YTHDC2: variants seen among roughly 807,000 people sequenced by gnomAD.
YTHDC2 encodes YTH N6-methyladenosine RNA binding protein C2.
Under a neutral mutation model 174.9 loss-of-function variants are expected in YTHDC2, and 45 were observed. That is an observed-to-expected ratio of 0.26 (90% CI 0.20 to 0.33). YTHDC2 has a LOEUF of 0.33. Among genes scored for constraint, YTHDC2 ranks in the 10% least tolerant of loss-of-function variants. YTHDC2 has a pLI of 1.00. For missense variants in YTHDC2, 1,650 were observed against 1,723.7 expected (o/e 0.96, Z 0.76); for synonymous variants, 657 against 574.5 (o/e 1.14, Z -2.05).
At chr5:113,566,325 C>A (rs1185864663) in intron 21 of YTHDC2, among the ~76,000 whole-genome samples, 1 of 151,642 alleles carries the variant, frequency 6.6e-6, no homozygotes, top group Non-Finnish European at 1.5e-5. Flanking sequence ...TAGTTATTTT[C>A]TTTTATCACC....
intron 5 of YTHDC2, 97 bp downstream of exon 5, chr5:113,533,142 G>C: frequency 7.1e-7 from 1 of 1,403,010 alleles, no homozygotes; most frequent in Admixed American, 2.3e-5. Flanking sequence ...GAAAAGTTAG[G>C]TGATCATTTT....
intron 10 of YTHDC2, among the ~76,000 whole-genome samples, chr5:113,546,533 T>C (rs1775899806): frequency 6.6e-6 from 1 of 152,256 alleles, no homozygotes; most frequent in Admixed American, 6.5e-5. Context: ...TTCATAGATT[T>C]CTTTTTAGTA....
chr5:113,515,241 A>G, intron 1 of YTHDC2, 31 bp from the exon 2 acceptor site: 1 of 1,579,070 alleles, frequency 6.3e-7, no homozygotes, highest in Non-Finnish European at 8.6e-7. Flanking sequence ...CCTATCTACA[A>G]ATTTTACTAC....
intron 10 of YTHDC2, among the ~76,000 whole-genome samples, chr5:113,544,705 T>C (rs1018879072): frequency 2.0e-5 from 3 of 152,166 alleles, no homozygotes; most frequent in African/African-American, 7.2e-5. Flanking sequence ...TGTTTTTTTT[T>C]TGGGCTGACT....
At chr5:113,555,981 T>C in intron 16 of YTHDC2, 71 bp from the exon 17 acceptor site, 4 of 890,956 alleles carry the variant, frequency 4.5e-6, no homozygotes, top group Non-Finnish European at 6.9e-6. Flanking sequence ...TAAAATATGT[T>C]GATAACATTC....
chr5:113,547,387 C>A (rs895181646), intron 10 of YTHDC2, among the ~76,000 whole-genome samples: 1 of 152,096 alleles, frequency 6.6e-6, no homozygotes, highest in African/African-American at 2.4e-5. Flanking sequence ...ACAACAAACC[C>A]ACCTCAAAAA....
Position 113,592,019 on chromosome 5 carries a change from G to T in YTHDC2, c.4053G>T (p.Glu1351Asp), listed in dbSNP as rs1262208049. 6.2e-7 allele frequency: 1 copy of T among 1,609,500 alleles called. No homozygotes were observed. The highest frequency in any genetic ancestry group is 8.5e-7 in the Non-Finnish European group (1 of 1,177,578). The change falls in exon 28 of 30, where the codon GAG becomes GAT. Residue 1351 changes from glutamate (E) to aspartate (D), a missense_variant. Glu to Asp is a conservative substitution (Grantham distance 45). Around this residue, in one of 5 missense-constraint regions of YTHDC2, gnomAD observed 913 missense variants for 940.4 expected, o/e 0.97. Transcript: ENST00000161863. ...HFQGFSRMSS[E>D]IGREKSQDWG... ...AGGGATTTTCTAGGATGTCTTCTGA[G>T]ATTGGAAGGGAAAAGAGTCAGGACT...
chr5:113,591,891 T>C (rs190163135), intron 27 of YTHDC2, 105 bp from the exon 28 acceptor site: 5 of 882,610 alleles, frequency 5.7e-6, no homozygotes, highest in Non-Finnish European at 7.8e-6. Flanking sequence ...TTCAATATTA[T>C]ATCTTAATCT....
intron 4 of YTHDC2, among the ~76,000 whole-genome samples, chr5:113,528,549 G>C (rs564079713): frequency 6.6e-6 from 1 of 151,462 alleles, no homozygotes; most frequent in South Asian, 2.1e-4. Flanking sequence ...TTGCGACAGC[G>C]CTTCACTCTG....
chr5:113,570,260 C>T (rs1183915435), intron 23 of YTHDC2, among the ~76,000 whole-genome samples: 1 of 151,880 alleles, frequency 6.6e-6, no homozygotes, highest in Non-Finnish European at 1.5e-5. Flanking sequence ...CAATTCCTGG[C>T]TAATTTTTGT....
intron 26 of YTHDC2, among the ~76,000 whole-genome samples, chr5:113,589,402 A>ATATAT (rs1441251527): frequency 8.8e-6 from 1 of 114,244 alleles, no homozygotes; most frequent in African/African-American, 4.0e-5. Flanking sequence ...AATTAAAAAA[A>ATATAT]AAAAAAATAT....
At chr5:113,589,408 A>AAATATATATATATATATATATATATAT (rs368975720) in intron 26 of YTHDC2, among the ~76,000 whole-genome samples, 1 of 123,232 alleles carries the variant, frequency 8.1e-6, no homozygotes, top group African/African-American at 3.4e-5. Context: ...AAAAAAAAAA[A>AAATATATATATATATATATATATATAT]ATATATATAT....
At chr5:113,578,538 C>G (rs1427056132) in intron 23 of YTHDC2, among the ~76,000 whole-genome samples, 1 of 152,006 alleles carries the variant, frequency 6.6e-6, no homozygotes, top group Non-Finnish European at 1.5e-5. Context: ...ATAAACCTTC[C>G]TTGGACTAAG....
intron 23 of YTHDC2, among the ~76,000 whole-genome samples, chr5:113,569,449 T>C (rs1300798776): frequency 1.3e-5 from 2 of 152,320 alleles, no homozygotes; most frequent in South Asian, 2.1e-4. Flanking sequence ...ATTGCCTAGA[T>C]TTTCTTCGAG....
At chr5:113,539,239 T>C in intron 8 of YTHDC2, 58 bp downstream of exon 8, 1 of 680,444 alleles carries the variant, frequency 1.5e-6, no homozygotes, top group Non-Finnish European at 2.3e-6. Flanking sequence ...GACTTTGGAG[T>C]ACTCCATCCT....
intron 10 of YTHDC2, among the ~76,000 whole-genome samples, chr5:113,548,296 T>C (rs1249470292): frequency 3.3e-5 from 5 of 152,200 alleles, no homozygotes; most frequent in African/African-American, 9.6e-5. Flanking sequence ...CAGTTTAACA[T>C]CGATCTTTCC....
intron 12 of YTHDC2, among the ~76,000 whole-genome samples, chr5:113,552,697 A>G (rs145369727): frequency 0.02 from 3,008 of 152,184 alleles, 38 homozygotes; most frequent in Non-Finnish European, 0.029. Context: ...TTGCTGGGGC[A>G]TATGGTAACT....
intron 5 of YTHDC2, 59 bp downstream of exon 5, chr5:113,533,104 T>C: frequency 6.4e-7 from 1 of 1,562,750 alleles, no homozygotes; most frequent in Non-Finnish European, 8.7e-7. Flanking sequence ...CTATGTATAT[T>C]TCACTAAAAA....
At chr5:113,581,730 C>T (rs1486286083) in intron 25 of YTHDC2, 21 bp downstream of exon 25, 1 of 1,446,810 alleles carries the variant, frequency 6.9e-7, no homozygotes, top group African/African-American at 1.4e-5. Context: ...GACATTTTAC[C>T]AAAATGGGTC....
Sources: gnomAD v4.1 joint callset for allele counts (sites outside exome capture counted in the v4.1 genomes callset) on GRCh38, gnomAD v4.1.1 for gene constraint, gnomAD v4.1.1 regional missense constraint, MANE v1.5 for transcripts, NCBI Gene and HGNC (gene_info 2026-07-23, HGNC 2026-07-21) for gene names.